The following PHB1 variants were observed in gnomAD, a reference collection of about 807,000 sequenced individuals.
PHB1 encodes the protein epididymis luminal protein 215.
At chr17:49,409,161 G>C in the PHB1 span, 1 of 1,610,144 alleles carries the variant, frequency 6.2e-7, no homozygotes, top group African/African-American at 1.3e-5. Flanking sequence ...AAGCGAGCCT[G>C]GTTTCAAAGG....
the PHB1 span, among the ~76,000 whole-genome samples, chr17:49,413,517 T>G: frequency 6.6e-6 from 1 of 151,200 alleles, no homozygotes; most frequent in Non-Finnish European, 1.5e-5. Context: ...CTTTCCTTTT[T>G]TTTTTTTTGG....
the PHB1 span, chr17:49,413,056 C>A: frequency 1.4e-6 from 1 of 701,864 alleles, no homozygotes; most frequent in Middle Eastern, 3.9e-4. Context: ...AGGAGGTGAG[C>A]CCTCTTGGCC....
chr17:49,404,152 T>C, the PHB1 span: 117,456 of 152,652 alleles, frequency 0.77, 46,047 homozygotes, highest in African/African-American at 0.83. Flanking sequence ...AGTCTCTGAA[T>C]GAGGGGGCCA....
the PHB1 span, chr17:49,412,593 G>A: frequency 6.6e-6 from 1 of 152,668 alleles, no homozygotes; most frequent in Non-Finnish European, 1.5e-5. Context: ...ATTAAAGGAG[G>A]TCCTACAGAT....
the PHB1 span, chr17:49,404,079 T>C: frequency 1.3e-5 from 2 of 152,572 alleles, no homozygotes; most frequent in Non-Finnish European, 2.9e-5. Flanking sequence ...GTGTCATTTA[T>C]TGACAGCAGT....
the PHB1 span, chr17:49,413,393 C>A: frequency 1.5e-6 from 1 of 671,050 alleles, no homozygotes; most frequent in Admixed American, 2.2e-5. Flanking sequence ...CTATTTATTT[C>A]CCCATTCCTG....
At chr17:49,414,021 A>C in the PHB1 span, among the ~76,000 whole-genome samples, 1 of 152,232 alleles carries the variant, frequency 6.6e-6, no homozygotes, top group Non-Finnish European at 1.5e-5. Flanking sequence ...AATGTGCTAC[A>C]TGTTGATGCC....
chr17:49,407,624 C>T, the PHB1 span, among the ~76,000 whole-genome samples: 7 of 152,158 alleles, frequency 4.6e-5, no homozygotes, highest in Non-Finnish European at 1.0e-4. Context: ...GAGCAATTTA[C>T]TTATTCATCC....
the PHB1 span, chr17:49,406,716 G>A: frequency 7.2e-7 from 1 of 1,382,086 alleles, no homozygotes; most frequent in Non-Finnish European, 1.0e-6. Flanking sequence ...GAGTGCCGGA[G>A]AAAGGGGAGA....
chr17:49,404,146 T>A, the PHB1 span: 1 of 152,640 alleles, frequency 6.6e-6, no homozygotes, highest in Non-Finnish European at 1.5e-5. Flanking sequence ...AAGGGCAGTC[T>A]CTGAATGAGG....
At chr17:49,414,815 G>A in the PHB1 span, 13,141 of 152,354 alleles carry the variant, frequency 0.086, 1,446 homozygotes, top group African/African-American at 0.24. Context: ...ACGAGCCTTT[G>A]CCGCCCCCTC....
the PHB1 span, chr17:49,404,958 A>G: frequency 2.8e-6 from 4 of 1,426,508 alleles, no homozygotes; most frequent in Non-Finnish European, 3.9e-6. Flanking sequence ...GCTGTGGCCC[A>G]GTCAGCCCGC....
the PHB1 span, chr17:49,409,379 A>C: frequency 6.2e-7 from 1 of 1,614,182 alleles, no homozygotes; most frequent in Middle Eastern, 1.7e-4. Context: ...GCACACGCTC[A>C]TCATAGTCCT....
the PHB1 span, among the ~76,000 whole-genome samples, chr17:49,409,648 TCTC>T: frequency 6.6e-6 from 1 of 151,312 alleles, no homozygotes; most frequent in Non-Finnish European, 1.5e-5. Context: ...TTCAAGCAAT[TCTC>T]CTGCCTCAGC....
the PHB1 span, chr17:49,405,352 CG>C: frequency 4.6e-5 from 30 of 653,360 alleles, no homozygotes; most frequent in South Asian, 1.7e-4. Context: ...GCGGGGGAAG[CG>C]GGGGGAAGCA....
the PHB1 span, among the ~76,000 whole-genome samples, chr17:49,409,767 C>T: frequency 1.6e-4 from 25 of 152,142 alleles, no homozygotes; most frequent in Non-Finnish European, 2.9e-4. Flanking sequence ...AACTCCTGAC[C>T]TCAGGTGATC....
At chr17:49,406,598 C>T in the PHB1 span, among the ~76,000 whole-genome samples, 1 of 152,226 alleles carries the variant, frequency 6.6e-6, no homozygotes, top group African/African-American at 2.4e-5. Context: ...CCCCTGAAGA[C>T]TCTGGAACCA....
At chr17:49,407,403 G>A in the PHB1 span, 3 of 155,274 alleles carry the variant, frequency 1.9e-5, no homozygotes, top group Admixed American at 1.9e-4. Context: ...GACGAGGGAC[G>A]GTGGAACGCA....
chr17:49,406,512 T>C, the PHB1 span, among the ~76,000 whole-genome samples: 1 of 152,216 alleles, frequency 6.6e-6, no homozygotes, highest in Non-Finnish European at 1.5e-5. Flanking sequence ...TAAGAGAGTG[T>C]TTTTGATCTC....
Sources: allele counts gnomAD v4.1 joint callset (sites outside exome capture counted in the v4.1 genomes callset), GRCh38; gene constraint gnomAD v4.1.1; transcripts MANE v1.5; gene names NCBI Gene and HGNC (gene_info 2026-07-23, HGNC 2026-07-21).